The following ULBP1 variants were observed in gnomAD, a reference collection of about 807,000 sequenced individuals.
The protein encoded by ULBP1 is UL16-binding protein 1.
A neutral mutation model predicts 25.3 loss-of-function variants in ULBP1; 28 were observed. The ratio of observed to expected loss-of-function variants is 1.10; its 90% confidence interval spans 0.82 to 1.51. The LOEUF (loss-of-function observed/expected upper bound fraction) is 1.51, where lower values mean the gene tolerates loss of function less well. Among genes scored for constraint, ULBP1 ranks in the 40% most tolerant of loss-of-function variants. The pLI, the probability that ULBP1 is intolerant of heterozygous loss-of-function variation, is 0.00. For missense variants in ULBP1, 348 were observed against 290.9 expected (o/e 1.20, Z -1.43); for synonymous variants, 129 against 103.0 (o/e 1.25, Z -1.53).
At chr6:149,969,718 A>C (rs1261800894) in intron 3 of ULBP1, among the ~76,000 whole-genome samples, 1 of 152,062 alleles carries the variant, frequency 6.6e-6, no homozygotes, top group Non-Finnish European at 1.5e-5. Flanking sequence ...AATCACCTCC[A>C]ATGCCAGGGC....
chr6:149,967,480 G>A (rs572081763), intron 1 of ULBP1, among the ~76,000 whole-genome samples: 1 of 152,290 alleles, frequency 6.6e-6, no homozygotes, highest in East Asian at 1.9e-4. Flanking sequence ...CTCAAAGCTG[G>A]GCAAAGGAGC....
In ULBP1 at chr6:149,964,216, G is replaced by A. The variant is rs924106562; in HGVS notation, c.85+82G>A. On this transcript the variant is annotated intron_variant, in intron 1 of 4. Coordinates refer to ENST00000229708, the MANE Select transcript of ULBP1 (RefSeq NM_025218.4). ...CTGCAGCGGGTTTCAGAGGAGGGGA[G>A]GCTTCTGGAAGGACCGGCGCGATCT... 420 of 1,521,738 alleles carry A rather than the reference G, an allele frequency of 2.8e-4. 1 individual carries two copies. The highest frequency in any genetic ancestry group is 2.1e-4 in the Non-Finnish European group (227 of 1,107,064). 94.3% of individuals were successfully genotyped at this position (1,521,738 alleles called of 1,614,324 possible).
At position 149,968,823 on chromosome 6, in the gene ULBP1, T is replaced by C. The variant is rs1266462338; in HGVS notation, c.302T>C (p.Leu101Pro). The change falls in exon 2 of 5, where the codon CTT (leucine) becomes CCT (proline). Residue 101 changes from leucine (L) to proline (P), a missense_variant. By Grantham distance (98) the Leu-to-Pro change is moderately conservative. Coordinates refer to ENST00000229708, the MANE Select transcript of ULBP1 (RefSeq NM_025218.4). ...ACACTAAGAGACGTGGTGGATTTCC[T>C]TAAAGGGCAACTGCTTGACATTCAA... ...TETLRDVVDF[L>P]KGQLLDIQVE... 2 of 1,614,238 alleles carry C rather than the reference T, an allele frequency of 1.2e-6. No individual in the cohort carries two copies. Among genetic ancestry groups the C allele is most frequent in the South Asian group, 2.2e-5 (2 of 91,090 alleles).
chr6:149,969,541 T>C (rs1779272459), intron 3 of ULBP1, among the ~76,000 whole-genome samples, 181 bp downstream of exon 3: 1 of 151,922 alleles, frequency 6.6e-6, no homozygotes, highest in South Asian at 2.1e-4. Context: ...TTCTTCCCCC[T>C]GACTCCTCTT....
At position 149,972,563 on chromosome 6, in the gene ULBP1, AACAG is replaced by A. The variant is rs1779336632; in HGVS notation, c.*1222_*1225del. ...AGAAAAAGAAACTAGCAACACAGTAAACAGACAGCCTGTAGAATGGGGAAAACTA... is the reference window on the plus strand; with the variant it reads ...AGAAAAAGAAACTAGCAACACAGTAAACAGCCTGTAGAATGGGGAAAACTA... On this transcript the variant is annotated 3_prime_UTR_variant, in exon 5 of 5. Coordinates refer to ENST00000229708, the MANE Select transcript of ULBP1 (RefSeq NM_025218.4). 1 of 152,234 alleles carries A rather than the reference AACAG, an allele frequency of 6.6e-6. No individual in the cohort carries two copies. The highest frequency in any genetic ancestry group is 1.5e-5 in the Non-Finnish European group (1 of 68,044). The allele number at this position is 152,234 out of a possible 1,614,324, so 9.4% of individuals were successfully genotyped here. A position where few individuals can be genotyped will look rare whatever the true frequency, so the allele number is the denominator to read the frequency against.
intron 1 of ULBP1, among the ~76,000 whole-genome samples, chr6:149,966,521 GC>G (rs1449255641): frequency 6.6e-6 from 1 of 152,172 alleles, no homozygotes; most frequent in Non-Finnish European, 1.5e-5. Flanking sequence ...CCTCCTTAAA[GC>G]CTCAGGTGTG....
chr6:149,967,944 G>A (rs73779712), intron 1 of ULBP1, among the ~76,000 whole-genome samples: 20,868 of 151,998 alleles, frequency 0.14, 2,690 homozygotes, highest in East Asian at 0.34. Context: ...GAGGATGGAC[G>A]TTGTTCTGGA....
chr6:149,969,598 C>T (rs564153897), intron 3 of ULBP1, among the ~76,000 whole-genome samples: 165 of 152,294 alleles, frequency 1.1e-3, no homozygotes, highest in Non-Finnish European at 1.5e-3. Flanking sequence ...TCTCACCAGC[C>T]TCAAATCTGT....
chr6:149,969,932 G>T, intron 3 of ULBP1, 84 bp from the exon 4 acceptor site: 2 of 1,508,638 alleles, frequency 1.3e-6, no homozygotes, highest in South Asian at 2.6e-5. Context: ...CTTCCAGGAT[G>T]ACCTGGGGTG....
chr6:149,969,051 C>G (rs1554269875), intron 2 of ULBP1, 34 bp from the exon 3 acceptor site: 1 of 1,605,618 alleles, frequency 6.2e-7, no homozygotes, highest in Admixed American at 1.7e-5. Context: ...CAGGCTTTGT[C>G]AAGATCAGAG....
At chr6:149,968,509 C>G (rs1306302383) in intron 1 of ULBP1, 98 bp from the exon 2 acceptor site, 1 of 1,494,146 alleles carries the variant, frequency 6.7e-7, no homozygotes, top group Admixed American at 2.2e-5. Context: ...CAGCCCAGCC[C>G]CTCAGAGGCC....
At chr6:149,970,297 A>C in intron 4 of ULBP1, 150 bp downstream of exon 4, 1 of 1,171,400 alleles carries the variant, frequency 8.5e-7, no homozygotes, top group Non-Finnish European at 1.2e-6. Flanking sequence ...GTTGGCAATG[A>C]CCTGGGCAGC....
At position 149,973,262 on chromosome 6, in the gene ULBP1, G is replaced by C. The variant is rs533654118; in HGVS notation, c.*1916G>C. The C allele has an allele frequency of 1.2e-4, 18 of 152,316 alleles. No homozygotes were observed. Among genetic ancestry groups the C allele is most frequent in the African/African-American group, 4.3e-4 (18 of 41,560 alleles). The allele number at this position is 152,316 out of a possible 1,614,324, so 9.4% of individuals were successfully genotyped here. ...ACATACTGCATCTTCCCATTGGAAA[G>C]TGGCAGCTAAACATTAAATTCGCAT... On this transcript the variant is annotated 3_prime_UTR_variant, in exon 5 of 5. Coordinates refer to ENST00000229708, the MANE Select transcript of ULBP1 (RefSeq NM_025218.4).
chr6:149,965,973 G>A (rs1779198085), intron 1 of ULBP1, among the ~76,000 whole-genome samples: 1 of 152,084 alleles, frequency 6.6e-6, no homozygotes. Flanking sequence ...TTAATGCAGG[G>A]GGGACGGGAA....
chr6:149,969,998 C>A lies in ULBP1; in HGVS notation c.626-18C>A. The A allele has an allele frequency of 1.2e-6, 2 of 1,602,564 alleles. No homozygotes were observed. The highest frequency in any genetic ancestry group is 1.7e-5 in the Admixed American group (1 of 58,000). Reference sequence around the variant, plus strand: ...TTGAGCCTGGACAAGGGTTGTCACTCCTGTGTTTCCATTTCAGAACCACCC... The same window carrying A: ...TTGAGCCTGGACAAGGGTTGTCACTACTGTGTTTCCATTTCAGAACCACCC... On this transcript the variant is annotated intron_variant, in intron 3 of 4. Transcript: ENST00000229708.
At position 149,972,392 on chromosome 6, in the gene ULBP1, A is replaced by C. The variant is rs1214159057; in HGVS notation, c.*1046A>C. The C allele has an allele frequency of 6.6e-6, 1 of 152,188 alleles. No homozygotes were observed. The highest frequency in any genetic ancestry group is 1.5e-5 in the Non-Finnish European group (1 of 68,032). 9.4% of individuals were successfully genotyped at this position (152,188 alleles called of 1,614,324 possible). ...GAAAGATTTAAATATAAGTACTAAA[A>C]CTGTAAAAATCCTGGAATATAACCT... On this transcript the variant is annotated 3_prime_UTR_variant, in exon 5 of 5. Transcript: ENST00000229708.
At position 149,969,336 on chromosome 6, in the gene ULBP1, T is replaced by C; in HGVS notation, c.601T>C (p.Trp201Arg). The part of the protein sequence containing the change: ...KMWLEEFLMY[W>R]EQMLDPTKPP... Reference sequence around the variant, plus strand: ...GTGGCTTGAAGAATTTTTGATGTACTGGGAACAAATGCTGGATCCAACAAG... The same window carrying C: ...GTGGCTTGAAGAATTTTTGATGTACCGGGAACAAATGCTGGATCCAACAAG... Residue 201 changes from tryptophan to arginine, a missense_variant, in exon 3 of 5, where the codon TGG becomes CGG. By Grantham distance (101) the Trp-to-Arg change is moderately radical. Coordinates refer to ENST00000229708, the MANE Select transcript of ULBP1 (RefSeq NM_025218.4). 3 of 1,613,764 alleles carry C rather than the reference T, an allele frequency of 1.9e-6. No homozygotes were observed. The highest frequency in any genetic ancestry group is 2.5e-6 in the Non-Finnish European group (3 of 1,179,672).
intron 3 of ULBP1, 59 bp from the exon 4 acceptor site, chr6:149,969,957 G>A (rs1419317212): frequency 6.4e-7 from 1 of 1,555,152 alleles, no homozygotes; most frequent in Non-Finnish European, 8.7e-7. Context: ...GAGCTGAGGA[G>A]ACATCCCCTA....
intron 3 of ULBP1, among the ~76,000 whole-genome samples, chr6:149,969,687 C>T (rs1184348947): frequency 6.6e-6 from 1 of 152,208 alleles, no homozygotes; most frequent in Non-Finnish European, 1.5e-5. Context: ...CTCCCCTCAT[C>T]GGTTTCTGTA....
Sources: gnomAD v4.1 joint callset for allele counts (sites outside exome capture counted in the v4.1 genomes callset) on GRCh38, gnomAD v4.1.1 for gene constraint, MANE v1.5 for transcripts, NCBI Gene and HGNC (gene_info 2026-07-23, HGNC 2026-07-21) for gene names.